RAB39A: variants seen among roughly 807,000 people sequenced by gnomAD.
RAB39A encodes RAB39A, member RAS oncogene family.
In RAB39A, 17 loss-of-function variants were observed where a neutral mutation model predicts 20.9. That is an observed-to-expected ratio of 0.81 (90% CI 0.56 to 1.22). The LOEUF (loss-of-function observed/expected upper bound fraction) is 1.22. Ranked by LOEUF, RAB39A falls within the 50% of genes most tolerant of loss-of-function variation. RAB39A has a pLI of 0.00. For synonymous variants in RAB39A, 99 were observed against 103.4 expected, an observed-to-expected ratio of 0.96 and a Z score of 0.26; for missense variants, 234 against 270.5, an observed-to-expected ratio of 0.87 and a Z score of 0.95.
At chr11:107,941,897 G>A (rs1351230337) in intron 1 of RAB39A, among the ~76,000 whole-genome samples, 2 of 151,968 alleles carry the variant, frequency 1.3e-5, no homozygotes, top group Non-Finnish European at 2.9e-5. Context: ...TCAGGAGTTG[G>A]AGACCAGCCT....
At chr11:107,930,917 A>T (rs925017163) in intron 1 of RAB39A, among the ~76,000 whole-genome samples, 51 of 152,150 alleles carry the variant, frequency 3.4e-4, no homozygotes, top group Admixed American at 3.9e-4. Context: ...AATGATAATT[A>T]ATTTGTTAGA....
At chr11:107,959,735 A>C (rs1861476301) in intron 1 of RAB39A, among the ~76,000 whole-genome samples, 1 of 152,216 alleles carries the variant, frequency 6.6e-6, no homozygotes, top group East Asian at 1.9e-4. Flanking sequence ...CTGTGATTTC[A>C]GCAATGAGGA....
chr11:107,936,060 C>T (rs1591241442), intron 1 of RAB39A, among the ~76,000 whole-genome samples: 1 of 151,944 alleles, frequency 6.6e-6, no homozygotes, highest in African/African-American at 2.4e-5. Flanking sequence ...CCACCATACT[C>T]AGCTAGTTTT....
Position 107,961,109 on chromosome 11 carries a change from C to T in RAB39A, c.228-837C>T, listed in dbSNP as rs1861492082. 2.0e-5 allele frequency among the ~76,000 whole-genome samples: 3 copies of T among 152,328 alleles called. No individual in the cohort carries two copies. The South Asian group carries it at 6.2e-4, about 32-fold the overall frequency. On this transcript the variant is annotated intron_variant, in intron 1 of 1. Coordinates refer to ENST00000320578, the MANE Select transcript of RAB39A (RefSeq NM_017516.3). ...CACAAGACTGTACCTGTAACTAATA[C>T]TGTGACAAGTCTGCTGTCTTCGTGA... is the stretch of plus-strand genomic sequence containing the variant.
At chr11:107,939,843 C>A (rs993630883) in intron 1 of RAB39A, among the ~76,000 whole-genome samples, 1 of 152,082 alleles carries the variant, frequency 6.6e-6, no homozygotes, top group African/African-American at 2.4e-5. Flanking sequence ...TCACTGGCTT[C>A]ATGTTGAGCT....
chr11:107,958,918 G>A (rs556768051), intron 1 of RAB39A, among the ~76,000 whole-genome samples: 5 of 152,184 alleles, frequency 3.3e-5, no homozygotes, highest in East Asian at 1.9e-4. Flanking sequence ...TCAGGAGCTC[G>A]AGACCAGCCT....
intron 1 of RAB39A, among the ~76,000 whole-genome samples, chr11:107,941,881 T>A (rs1041373191): frequency 6.6e-6 from 1 of 151,980 alleles, no homozygotes; most frequent in Non-Finnish European, 1.5e-5. Context: ...GGTGGATCAC[T>A]TGTGGTCAGG....
chr11:107,943,684 T>C (rs2134960094), intron 1 of RAB39A, among the ~76,000 whole-genome samples: 1 of 152,234 alleles, frequency 6.6e-6, no homozygotes, highest in South Asian at 2.1e-4. Flanking sequence ...TAAGTTATAG[T>C]CTCACATTCA....
chr11:107,953,527 G>A (rs1168709912), intron 1 of RAB39A, among the ~76,000 whole-genome samples: 1 of 152,184 alleles, frequency 6.6e-6, no homozygotes, highest in East Asian at 1.9e-4. Context: ...CCTGCCATAA[G>A]AAGCTCCAAA....
At chr11:107,959,697 A>G (rs988804396) in intron 1 of RAB39A, among the ~76,000 whole-genome samples, 1 of 152,232 alleles carries the variant, frequency 6.6e-6, no homozygotes, top group Admixed American at 6.5e-5. Context: ...CAACAAAGCT[A>G]TTTATGGCAT....
intron 1 of RAB39A, among the ~76,000 whole-genome samples, chr11:107,938,067 T>C (rs1304546177): frequency 1.3e-5 from 2 of 151,916 alleles, no homozygotes; most frequent in South Asian, 2.1e-4. Context: ...TAAAATGGTA[T>C]ATAAGAATGA....
chr11:107,936,122 A>T (rs1333073102), intron 1 of RAB39A, among the ~76,000 whole-genome samples: 1 of 151,858 alleles, frequency 6.6e-6, no homozygotes, highest in Non-Finnish European at 1.5e-5. Context: ...CTGGTCTCGA[A>T]TTCCTGACCT....
intron 1 of RAB39A, among the ~76,000 whole-genome samples, chr11:107,948,004 A>AC (rs71303235): frequency 6.6e-6 from 1 of 150,872 alleles, no homozygotes; most frequent in Non-Finnish European, 1.5e-5. Flanking sequence ...ACACACACAC[A>AC]AGTAAACCAG....
At chr11:107,940,883 G>T (rs1861251814) in intron 1 of RAB39A, among the ~76,000 whole-genome samples, 1 of 151,854 alleles carries the variant, frequency 6.6e-6, no homozygotes, top group Non-Finnish European at 1.5e-5. Flanking sequence ...TGAGGAAGGA[G>T]AATCACTTGA....
chr11:107,939,070 C>T (rs1041122927), intron 1 of RAB39A, among the ~76,000 whole-genome samples: 10 of 150,992 alleles, frequency 6.6e-5, no homozygotes, highest in Non-Finnish European at 5.9e-5. Context: ...GGTGAAACCC[C>T]GTCCCTACTA....
intron 1 of RAB39A, 88 bp from the exon 2 acceptor site, chr11:107,961,858 T>G (rs1861498978): frequency 9.6e-7 from 1 of 1,045,044 alleles, no homozygotes; most frequent in African/African-American, 1.6e-5. Context: ...TAAGATATCT[T>G]CAAATGTTAT....
chr11:107,943,610 T>C (rs1482443344), intron 1 of RAB39A, among the ~76,000 whole-genome samples: 3 of 151,898 alleles, frequency 2.0e-5, no homozygotes, highest in Non-Finnish European at 4.4e-5. Flanking sequence ...GACAAGGATT[T>C]ACTTGTGGAA....
chr11:107,929,624 G>A (rs1449336716), intron 1 of RAB39A, among the ~76,000 whole-genome samples: 1 of 152,130 alleles, frequency 6.6e-6, no homozygotes, highest in Non-Finnish European at 1.5e-5. Flanking sequence ...GTTCCAGGGT[G>A]ATAATATTTC....
At chr11:107,952,310 G>A (rs765936381) in intron 1 of RAB39A, among the ~76,000 whole-genome samples, 21 of 152,192 alleles carry the variant, frequency 1.4e-4, no homozygotes, top group Admixed American at 2.6e-4. Flanking sequence ...GGCCAGGCCT[G>A]GTGGCTCATG....
Sources: allele counts gnomAD v4.1 joint callset (sites outside exome capture counted in the v4.1 genomes callset), GRCh38; gene constraint gnomAD v4.1.1; transcripts MANE v1.5; gene names NCBI Gene and HGNC (gene_info 2026-07-23, HGNC 2026-07-21).